The following LHFPL3 variants were observed in gnomAD, a reference collection of about 807,000 sequenced individuals.
LHFPL3 encodes the protein LHFPL tetraspan subfamily member 3 protein.
LHFPL3 carries 5 observed loss-of-function variants against 19.3 expected under a neutral mutation model. The observed-to-expected ratio is 0.26, with a 90% CI of 0.14 to 0.54. LHFPL3 has a LOEUF of 0.54. Ranked by LOEUF, LHFPL3 falls within the 20% of genes least tolerant of loss-of-function variation. The probability of loss-of-function intolerance (pLI) is 0.94; values close to 1 mark genes in which losing one functional copy is unlikely to be tolerated. For missense variants in LHFPL3, 249 were observed against 307.4 expected (o/e 0.81, Z 1.42); for synonymous variants, 133 against 126.2 (o/e 1.05, Z -0.36).
At chr7:104,680,220 A>G (rs1792670410) in intron 1 of LHFPL3, among the ~76,000 whole-genome samples, 1 of 152,206 alleles carries the variant, frequency 6.6e-6, no homozygotes, top group African/African-American at 2.4e-5. Context: ...TGGCCACTCA[A>G]TCAGCCTGCC....
intron 1 of LHFPL3, among the ~76,000 whole-genome samples, chr7:104,417,086 G>A (rs1000257117): frequency 1.3e-5 from 2 of 152,146 alleles, no homozygotes; most frequent in Non-Finnish European, 2.9e-5. Flanking sequence ...TGGAAGACAC[G>A]TTCAAACCAT....
At chr7:104,347,914 A>T (rs1284814084) in intron 1 of LHFPL3, among the ~76,000 whole-genome samples, 2 of 151,696 alleles carry the variant, frequency 1.3e-5, no homozygotes, top group African/African-American at 4.8e-5. Flanking sequence ...AAAATAAAAA[A>T]CTTTGCCTTG....
intron 1 of LHFPL3, among the ~76,000 whole-genome samples, chr7:104,540,672 A>C (rs1217656361): frequency 6.6e-6 from 1 of 152,212 alleles, no homozygotes; most frequent in East Asian, 1.9e-4. Context: ...GCATTCTCAC[A>C]TATAGTAAGT....
At chr7:104,650,297 G>T (rs1274555581) in intron 1 of LHFPL3, among the ~76,000 whole-genome samples, 2 of 152,196 alleles carry the variant, frequency 1.3e-5, no homozygotes, top group African/African-American at 4.8e-5. Context: ...CATCTGTGGT[G>T]CACACATCCC....
chr7:104,750,532 T>C (rs1794143763), intron 2 of LHFPL3, among the ~76,000 whole-genome samples: 1 of 152,266 alleles, frequency 6.6e-6, no homozygotes, highest in Admixed American at 6.5e-5. Flanking sequence ...CACACCAATA[T>C]GAATTTGAAC....
At chr7:104,783,726 C>G (rs189120205) in intron 2 of LHFPL3, among the ~76,000 whole-genome samples, 4 of 152,320 alleles carry the variant, frequency 2.6e-5, no homozygotes, top group Admixed American at 2.0e-4. Context: ...AACTACCTGA[C>G]TCTAGCCCTG....
intron 1 of LHFPL3, among the ~76,000 whole-genome samples, chr7:104,349,245 A>C (rs1280370142): frequency 6.6e-6 from 1 of 152,242 alleles, no homozygotes; most frequent in Non-Finnish European, 1.5e-5. Flanking sequence ...TTTGCAGAGC[A>C]ATAATAAAGT....
chr7:104,841,067 A>G (rs1427803284), intron 2 of LHFPL3, among the ~76,000 whole-genome samples: 1 of 152,224 alleles, frequency 6.6e-6, no homozygotes, highest in African/African-American at 2.4e-5. Context: ...CCGTTGGCTC[A>G]TAGCACAGAG....
intron 1 of LHFPL3, among the ~76,000 whole-genome samples, chr7:104,383,226 C>T (rs1790864482): frequency 6.6e-6 from 1 of 152,154 alleles, no homozygotes; most frequent in Non-Finnish European, 1.5e-5. Context: ...AGTATTTGTT[C>T]TTAAGGAGAC....
chr7:104,440,270 G>A (rs1792197689), intron 1 of LHFPL3, among the ~76,000 whole-genome samples: 1 of 152,046 alleles, frequency 6.6e-6, no homozygotes, highest in African/African-American at 2.4e-5. Context: ...GTAGGGACAT[G>A]GATGAAGCTG....
chr7:104,626,827 G>A (rs936994022), intron 1 of LHFPL3, among the ~76,000 whole-genome samples: 38 of 152,236 alleles, frequency 2.5e-4, no homozygotes, highest in African/African-American at 8.4e-4. Context: ...TGCTGCTGCT[G>A]TGCATCTTGA....
chr7:104,829,310 T>C (rs1190311800), intron 2 of LHFPL3, among the ~76,000 whole-genome samples: 2 of 151,796 alleles, frequency 1.3e-5, no homozygotes, highest in Non-Finnish European at 2.9e-5. Context: ...TGGAGAGTGA[T>C]AGATGTCATA....
intron 2 of LHFPL3, among the ~76,000 whole-genome samples, chr7:104,810,636 T>C (rs1790446213): frequency 6.6e-6 from 1 of 152,172 alleles, no homozygotes; most frequent in African/African-American, 2.4e-5. Context: ...GCCCATATCA[T>C]TTTTTGTCCA....
chr7:104,356,837 C>T (rs537537435), intron 1 of LHFPL3, among the ~76,000 whole-genome samples: 47 of 152,308 alleles, frequency 3.1e-4, no homozygotes, highest in African/African-American at 1.0e-3. Context: ...CCCATAACCC[C>T]TGGCCCACGG....
At chr7:104,898,903 G>T (rs1792424615) in intron 2 of LHFPL3, among the ~76,000 whole-genome samples, 1 of 152,040 alleles carries the variant, frequency 6.6e-6, no homozygotes, top group Admixed American at 6.6e-5. Context: ...GATCGCTTGA[G>T]CCCAGGAGTT....
intron 1 of LHFPL3, among the ~76,000 whole-genome samples, chr7:104,721,194 A>G (rs558190984): frequency 1.3e-5 from 2 of 152,318 alleles, no homozygotes; most frequent in East Asian, 3.9e-4. Context: ...TACAGCATAG[A>G]ATACTATGCA....
intron 2 of LHFPL3, among the ~76,000 whole-genome samples, chr7:104,822,798 G>A (rs1790700906): frequency 6.6e-6 from 1 of 152,052 alleles, no homozygotes; most frequent in Non-Finnish European, 1.5e-5. Flanking sequence ...GAAAGGACAT[G>A]GATTGGAGGA....
intron 1 of LHFPL3, among the ~76,000 whole-genome samples, chr7:104,490,805 A>G (rs1047356342): frequency 1.3e-5 from 2 of 152,164 alleles, no homozygotes; most frequent in Non-Finnish European, 2.9e-5. Context: ...AGGCTTCTCT[A>G]TCTAATAGCA....
chr7:104,537,458 C>G (rs1794411276), intron 1 of LHFPL3, among the ~76,000 whole-genome samples: 1 of 152,028 alleles, frequency 6.6e-6, no homozygotes, highest in African/African-American at 2.4e-5. Flanking sequence ...TTGTTTTTTA[C>G]CCCTTCTACT....
Sources: allele counts gnomAD v4.1 joint callset (sites outside exome capture counted in the v4.1 genomes callset), GRCh38; gene constraint gnomAD v4.1.1; transcripts MANE v1.5; gene names NCBI Gene and HGNC (gene_info 2026-07-23, HGNC 2026-07-21).